The following SON variants were observed in gnomAD, a reference collection of about 807,000 sequenced individuals.
SON encodes the protein protein SON.
Under a neutral mutation model 173.3 loss-of-function variants are expected in SON, and 4 were observed. The observed-to-expected ratio is 0.02, with a 90% CI of 0.01 to 0.05. SON has a LOEUF of 0.05. Among genes scored for constraint, SON ranks in the 10% least tolerant of loss-of-function variants. SON has a pLI of 1.00. For missense variants in SON, 2,626 were observed against 3,055.3 expected (o/e 0.86, Z 3.31); for synonymous variants, 1,190 against 1,105.9 (o/e 1.08, Z -1.51).
At chr21:33,570,947 C>T (rs1382609883) in intron 8 of SON, among the ~76,000 whole-genome samples, 1 of 152,162 alleles carries the variant, frequency 6.6e-6, no homozygotes, top group Non-Finnish European at 1.5e-5. Context: ...TTTACTGACT[C>T]AATTGGTTTT....
chr21:33,570,413 ACAT>A (rs1429217329), intron 8 of SON, among the ~76,000 whole-genome samples: 3 of 152,194 alleles, frequency 2.0e-5, no homozygotes, highest in African/African-American at 4.8e-5. Context: ...TTAATATGAA[ACAT>A]CATGTATACT....
chr21:33,544,195 A>G (rs746525925), intron 1 of SON, among the ~76,000 whole-genome samples: 1 of 152,366 alleles, frequency 6.6e-6, no homozygotes, highest in East Asian at 1.9e-4. Context: ...TAAGTGCCCA[A>G]AGTAATACAG....
At chr21:33,560,516 C>T (rs1349023806) in intron 6 of SON, 5 of 998,174 alleles carry the variant, frequency 5.0e-6, no homozygotes, top group Non-Finnish European at 6.0e-6. Flanking sequence ...TAAAATGCCG[C>T]CTGATTAAAT....
intron 9 of SON, among the ~76,000 whole-genome samples, chr21:33,573,985 G>A (rs1203057278): frequency 6.6e-6 from 1 of 152,108 alleles, no homozygotes; most frequent in Non-Finnish European, 1.5e-5. Context: ...TCTTCCTGTT[G>A]CCTTGTGTTA....
chr21:33,552,499 C>T lies in SON; in HGVS notation c.3268C>T (p.Arg1090Trp), dbSNP rs1407642222. The T allele has an allele frequency of 6.2e-7, 1 of 1,613,926 alleles. No homozygotes were observed. Among genetic ancestry groups the T allele is most frequent in the East Asian group, 2.2e-5 (1 of 44,876 alleles). Residue 1090 changes from arginine (R) to tryptophan (W), a missense_variant, in exon 3 of 12, where the codon CGG (arginine) becomes TGG (tryptophan). Transcript: ENST00000356577. This position sits in a 1 kb window ranked among gnomAD's most constrained non-coding sequence, Gnocchi z 5.6. ...ATCTATGATGTCCATGGGTGCTGAC[C>T]GGTCTATGATGTCGTCATACTCTGC... Reference protein sequence around the residue: ...DRSMMSMGADRSMMSSYSAAD... With the variant: ...DRSMMSMGADWSMMSSYSAAD...
chr21:33,568,063 A>G (rs1286317590), intron 7 of SON, among the ~76,000 whole-genome samples: 2 of 152,254 alleles, frequency 1.3e-5, no homozygotes, highest in Non-Finnish European at 2.9e-5. Context: ...ATGGTAAATC[A>G]GTAAGTACAT....
chr21:33,557,123 G>A lies in SON; in HGVS notation c.6161-33G>A, dbSNP rs982297450. On this transcript the variant is annotated intron_variant, in intron 3 of 11. Coordinates refer to ENST00000356577, the MANE Select transcript of SON (RefSeq NM_138927.4). ...GTAATACAAAATGTACAGTCTTTTA[G>A]GAAAACTGCAGCTTGTATTTTTCTT... 6 of 1,591,250 alleles carry A rather than the reference G, an allele frequency of 3.8e-6. No individual in the cohort carries two copies. The African/African-American group carries it at 8.3e-5, about 22-fold the overall frequency.
chr21:33,575,921 ATAT>A lies in SON; in HGVS notation c.7221+29_7221+31del, dbSNP rs549001034. 194 of 1,092,634 alleles carry A rather than the reference ATAT, an allele frequency of 1.8e-4. No homozygotes were observed. The African/African-American group carries it at 2.7e-3, about 15-fold the overall frequency. 67.7% of individuals were successfully genotyped at this position (1,092,634 alleles called of 1,614,324 possible). A position where few individuals can be genotyped will look rare whatever the true frequency, so the allele number is the denominator to read the frequency against. ...AAATATGAATTTCTGCATTAATTAT[ATAT>A]ATTTATTAATGTGATGACTTAGAGG... On this transcript the variant is annotated intron_variant, in intron 11 of 11. Coordinates refer to ENST00000356577, the MANE Select transcript of SON (RefSeq NM_138927.4).
At chr21:33,572,424 A>C (rs114355756) in intron 8 of SON, 1 of 458,290 alleles carries the variant, frequency 2.2e-6, no homozygotes, top group African/African-American at 2.0e-5. Flanking sequence ...ATACTTGTGC[A>C]TCTTAGGACA....
chr21:33,548,306 A>G (rs1251067281), intron 2 of SON, among the ~76,000 whole-genome samples: 1 of 151,696 alleles, frequency 6.6e-6, no homozygotes, highest in Non-Finnish European at 1.5e-5. Flanking sequence ...TTATCTCTTT[A>G]GGGTATGTAA....
chr21:33,571,030 T>A (rs919837255), intron 8 of SON, among the ~76,000 whole-genome samples: 33 of 152,046 alleles, frequency 2.2e-4, no homozygotes, highest in African/African-American at 8.0e-4. Flanking sequence ...TTAAAATGTT[T>A]AGTAGCACCT....
Position 33,576,650 on chromosome 21 carries a change from A to G in SON, c.*226A>G. ...GTATTTCCTCTTTAATGTTGTAAATATTTGGCAATTTAAGACATTGTGTAA... is the reference window on the plus strand; with the variant it reads ...GTATTTCCTCTTTAATGTTGTAAATGTTTGGCAATTTAAGACATTGTGTAA... On this transcript the variant is annotated 3_prime_UTR_variant, in exon 12 of 12. Coordinates refer to ENST00000356577, the MANE Select transcript of SON (RefSeq NM_138927.4). 1 of 642,394 alleles carries G rather than the reference A, an allele frequency of 1.6e-6. No homozygotes were observed. Among genetic ancestry groups the G allele is most frequent in the Non-Finnish European group, 2.9e-6 (1 of 343,940 alleles). The allele number at this position is 642,394 out of a possible 1,614,324, so 39.8% of individuals were successfully genotyped here.
chr21:33,548,871 G>A (rs2085686207), intron 2 of SON, among the ~76,000 whole-genome samples: 1 of 152,174 alleles, frequency 6.6e-6, no homozygotes, highest in South Asian at 2.1e-4. Flanking sequence ...TATGATTTGA[G>A]AGCTGGAGGG....
intron 1 of SON, among the ~76,000 whole-genome samples, chr21:33,545,880 G>A (rs956785212): frequency 5.9e-5 from 9 of 151,984 alleles, no homozygotes; most frequent in Admixed American, 4.6e-4. Context: ...ATTTGTGACC[G>A]GGCTCTTATT....
In SON at chr21:33,564,690, GTC is replaced by G. The variant is rs1429647629; in HGVS notation, c.6658-2462_6658-2461del. Among the ~76,000 whole-genome samples the G allele has an allele frequency of 9.9e-5, 15 of 152,024 alleles. No individual in the cohort carries two copies. The South Asian group carries it at 2.7e-3, about 27-fold the overall frequency. ...AGCCTGACCAACATGGAGAAACCGC[GTC>G]TCTCCTAAAAATACAAAATTAGCCG... On this transcript the variant is annotated intron_variant, in intron 6 of 11. Transcript: ENST00000356577.
In SON at chr21:33,550,091, C is replaced by T; in HGVS notation, c.860C>T (p.Ser287Leu). 6.2e-7 allele frequency: 1 copy of T among 1,614,160 alleles called. No individual in the cohort carries two copies. Among genetic ancestry groups the T allele is most frequent in the Non-Finnish European group, 8.5e-7 (1 of 1,180,046 alleles). The stretch of plus-strand genomic sequence containing the variant: ...GTGGAGAGCACATCTCCAGAGCCAT[C>T]AAAGATCATGTTGGTAGAGCCCCCA... Reference protein sequence around the residue: ...KSVESTSPEPSKIMLVEPPVA... With the variant: ...KSVESTSPEPLKIMLVEPPVA... The change falls in exon 3 of 12, where the codon TCA becomes TTA. Residue 287 changes from serine (S) to leucine (L), a missense_variant. Coordinates refer to ENST00000356577, the MANE Select transcript of SON (RefSeq NM_138927.4).
In SON at chr21:33,550,720, G is replaced by C; in HGVS notation, c.1489G>C (p.Val497Leu). The change falls in exon 3 of 12, where the codon GTA (valine) becomes CTA (leucine). Residue 497 changes from valine (V) to leucine (L), a missense_variant. Physicochemically the swap from Val to Leu is conservative, Grantham distance 32. This residue lies in a region of SON where 757 missense variants were observed against 730.1 expected (regional missense o/e 1.04). Transcript: ENST00000356577. The stretch of plus-strand genomic sequence containing the variant: ...AGTAGAGTTGCCAGAGCAGCCTGCG[G>C]TAACAGTAGCAATGGAGTTGACCGA... ...AAVELPEQPA[V>L]TVAMELTEQP... 2 of 1,614,164 alleles carry C rather than the reference G, an allele frequency of 1.2e-6. No homozygotes were observed. The highest frequency in any genetic ancestry group is 1.3e-5 in the African/African-American group (1 of 75,028).
intron 2 of SON, among the ~76,000 whole-genome samples, chr21:33,547,467 C>T (rs1358375521): frequency 1.3e-5 from 2 of 152,004 alleles, no homozygotes; most frequent in African/African-American, 4.8e-5. Context: ...CAGTCATTAC[C>T]TTGATTTAGT....
chr21:33,543,407 G>T (rs894145244), intron 1 of SON: 1 of 562,358 alleles, frequency 1.8e-6, no homozygotes, highest in South Asian at 2.0e-5. Flanking sequence ...TTTCAGAACC[G>T]AGTTAAGATG....
Sources: allele counts gnomAD v4.1 joint callset (sites outside exome capture counted in the v4.1 genomes callset), GRCh38; gene constraint gnomAD v4.1.1; regional missense constraint gnomAD v4.1.1; non-coding constraint Gnocchi (gnomAD v3.1); transcripts MANE v1.5; gene names NCBI Gene and HGNC (gene_info 2026-07-23, HGNC 2026-07-21).